Variants in PTDSS2 observed in about 807,000 individuals in gnomAD.
The protein encoded by PTDSS2 is phosphatidylserine synthase 2, also known as PSS-2.
Under a neutral mutation model 64.7 loss-of-function variants are expected in PTDSS2, and 41 were observed. That is an observed-to-expected ratio of 0.63 (90% CI 0.49 to 0.82). The LOEUF (loss-of-function observed/expected upper bound fraction) is 0.82, where lower values mean the gene tolerates loss of function less well. Ranked by LOEUF, PTDSS2 falls within the 40% of genes least tolerant of loss-of-function variation. The pLI, the probability that PTDSS2 is intolerant of heterozygous loss-of-function variation, is 0.00. For missense variants in PTDSS2, 485 were observed against 650.0 expected, an observed-to-expected ratio of 0.75 and a Z score of 2.76; for synonymous variants, 297 against 277.8, an observed-to-expected ratio of 1.07 and a Z score of -0.69.
intron 2 of PTDSS2, chr11:463,177 A>AG (rs1554949390): frequency 1.3e-5 from 2 of 151,720 alleles, no homozygotes; most frequent in East Asian, 3.9e-4. Flanking sequence ...AAAAAAAAAA[A>AG]GAAAAGAAAA....
rs1186915753 is a variant in PTDSS2 at position 473,943 on chromosome 11, A to G, written c.333A>G (p.Gln111=). ...ILVFLCFGVT[Q]AKDGPFSRPH... is the part of the protein sequence containing the mutation. ...TTTTCTTATGTTTTGGAGTCACACA[A>G]GCTAAAGACGGGCCATTTTCCAGAC... Residue 111 remains glutamine, a synonymous_variant, in exon 3 of 12, where the codon CAA becomes CAG. Coordinates refer to ENST00000308020, the MANE Select transcript of PTDSS2 (RefSeq NM_030783.3). 3 of 1,614,138 alleles carry G rather than the reference A, an allele frequency of 1.9e-6. No homozygotes were observed. Among genetic ancestry groups the G allele is most frequent in the Non-Finnish European group, 2.5e-6 (3 of 1,179,972 alleles).
At chr11:485,522 CCGTG>C (rs1252188391) in intron 4 of PTDSS2, among the ~76,000 whole-genome samples, 12 of 135,120 alleles carry the variant, frequency 8.9e-5, no homozygotes, top group Admixed American at 2.3e-4. Context: ...CGTGTGCTCA[CCGTG>C]TGCGCAGGCG....
At chr11:488,333 C>A in intron 7 of PTDSS2, 21 bp downstream of exon 7, 1 of 1,581,326 alleles carries the variant, frequency 6.3e-7, no homozygotes, top group Non-Finnish European at 8.7e-7. Context: ...GCACAGCCCC[C>A]GGGGCAGTCG....
chr11:450,490 C>G lies in PTDSS2; in HGVS notation c.35C>G (p.Pro12Arg). 1 of 1,235,776 alleles carries G rather than the reference C, an allele frequency of 8.1e-7. No individual in the cohort carries two copies. 76.6% of individuals were successfully genotyped at this position (1,235,776 alleles called of 1,614,324 possible). A position where few individuals can be genotyped will look rare whatever the true frequency, so the allele number is the denominator to read the frequency against. Residue 12 changes from proline to arginine, a missense_variant, in exon 1 of 12, where the codon CCG becomes CGG. Physicochemically the swap from Pro to Arg is moderately radical, Grantham distance 103 (BLOSUM62 -2). Around this residue, in one of 3 missense-constraint regions of PTDSS2, gnomAD observed 251 missense variants for 348.0 expected, o/e 0.72. Transcript: ENST00000308020. ...GGCGAGCGCAGGGACGCCGGAGGTC[C>G]GCGGCCCGAGTCCCCGGTGCCCGCG... ...RRGERRDAGG[P>R]RPESPVPAGR...
rs1846429968 is a variant in PTDSS2 at position 453,295 on chromosome 11, A to T, written c.182+2658A>T. ...GCCCTGTGCGAAGATGTGGCAGCTC[A>T]TGCGGTCTGGAAATTGTTTGGGAGA... On this transcript the variant is annotated intron_variant, in intron 1 of 11. Coordinates refer to ENST00000308020, the MANE Select transcript of PTDSS2 (RefSeq NM_030783.3). Among the ~76,000 whole-genome samples the T allele has an allele frequency of 3.9e-5, 6 of 152,118 alleles. No homozygotes were observed. In the South Asian group the frequency reaches 1.2e-3, roughly 32 times the overall value.
At chr11:484,600 G>A (rs910818775) in intron 4 of PTDSS2, among the ~76,000 whole-genome samples, 1 of 151,798 alleles carries the variant, frequency 6.6e-6, no homozygotes, top group Non-Finnish European at 1.5e-5. Context: ...GCATGGGCGT[G>A]TGTGCTCACT....
intron 1 of PTDSS2, chr11:459,862 G>A (rs1048473000): frequency 9.5e-6 from 3 of 315,680 alleles, no homozygotes; most frequent in South Asian, 4.0e-5. Flanking sequence ...CGTGTTTTAC[G>A]TGTCCAGTTG....
intron 1 of PTDSS2, among the ~76,000 whole-genome samples, chr11:455,720 C>T (rs940408920): frequency 1.3e-5 from 2 of 152,260 alleles, no homozygotes; most frequent in Non-Finnish European, 2.9e-5. Context: ...CACGAGCCCT[C>T]CTGGCGTGGT....
rs766002550 is a variant in PTDSS2 at position 461,758 on chromosome 11, TG to T, written c.284+1471del. On this transcript the variant is annotated intron_variant, in intron 2 of 11. Transcript: ENST00000308020. The surrounding 1 kb of genome is among the most constrained non-coding windows in gnomAD (Gnocchi z 4.2). ...TTAGGCAGTCCCAGCGGGGGTCACG[TG>T]CAGAACCTGCAGGCCCGGTGTGCAC... 7.2e-5 allele frequency among the ~76,000 whole-genome samples: 11 copies of T among 152,066 alleles called. No individual in the cohort carries two copies. Among genetic ancestry groups the T allele is most frequent in the Non-Finnish European group, 1.0e-4 (7 of 67,992 alleles).
intron 3 of PTDSS2, among the ~76,000 whole-genome samples, 158 bp downstream of exon 3, chr11:474,135 G>A (rs968409599): frequency 3.3e-5 from 5 of 152,192 alleles, no homozygotes; most frequent in Non-Finnish European, 5.9e-5. Context: ...AAGGGCGTGG[G>A]GTTCTGAGCT....
chr11:479,220 AAGG>A lies in PTDSS2; in HGVS notation c.435+72_435+74del, dbSNP rs1847954396. On this transcript the variant is annotated intron_variant, in intron 4 of 11. Coordinates refer to ENST00000308020, the MANE Select transcript of PTDSS2 (RefSeq NM_030783.3). This position sits in a 1 kb window ranked among gnomAD's most constrained non-coding sequence, Gnocchi z 4.2. ...CAGTGTGGCCCCAGGCATGGTGACA[AAGG>A]AGGCCTTGCCCACACAGCCCTCGAG... 1.5e-6 allele frequency: 2 copies of A among 1,329,518 alleles called. No homozygotes were observed. The highest frequency in any genetic ancestry group is 2.2e-6 in the Non-Finnish European group (2 of 920,246). The allele number at this position is 1,329,518 out of a possible 1,614,324, so 82.4% of individuals were successfully genotyped here.
chr11:466,401 C>CTTT lies in PTDSS2; in HGVS notation c.284+6133_284+6135dup, dbSNP rs1226254389. Among the ~76,000 whole-genome samples the CTTT allele has an allele frequency of 1.2e-3, 143 of 120,776 alleles. 1 individual carries two copies. The highest frequency in any genetic ancestry group is 4.0e-3 in the African/African-American group (127 of 31,846). The allele number at this position is 120,776 out of a possible 152,430, so 79.2% of individuals were successfully genotyped here. On this transcript the variant is annotated intron_variant, in intron 2 of 11. Transcript: ENST00000308020. The stretch of plus-strand genomic sequence containing the variant: ...AACGGGCACAGGAAAAACTGCCACT[C>CTTT]TTTTTTTTTTTTTTTTTTTTTTGAG...
intron 4 of PTDSS2, among the ~76,000 whole-genome samples, chr11:485,801 C>T (rs77918750): frequency 1.2e-4 from 11 of 94,126 alleles, no homozygotes; most frequent in East Asian, 3.5e-4. Context: ...CGCAGGCGAG[C>T]GTAAACAGTG....
intron 2 of PTDSS2, among the ~76,000 whole-genome samples, chr11:466,029 C>G (rs1847124688): frequency 6.6e-6 from 1 of 152,164 alleles, no homozygotes; most frequent in African/African-American, 2.4e-5. Flanking sequence ...AAACACCTAT[C>G]TGATAAAGTA....
chr11:474,012 G>C, intron 3 of PTDSS2, 35 bp downstream of exon 3: 1 of 1,541,700 alleles, frequency 6.5e-7, no homozygotes, highest in Non-Finnish European at 9.0e-7. Flanking sequence ...GTGCCCCTGT[G>C]GCATTTCTGT....
In PTDSS2 at chr11:461,430, G is replaced by A. The variant is rs991263718; in HGVS notation, c.284+1142G>A. Among the ~76,000 whole-genome samples, 16 of 152,134 alleles carry A rather than the reference G, an allele frequency of 1.1e-4. No homozygotes were observed. The highest frequency in any genetic ancestry group is 3.9e-4 in the African/African-American group (16 of 41,422). On this transcript the variant is annotated intron_variant, in intron 2 of 11. Transcript: ENST00000308020. The surrounding 1 kb of genome is among the most constrained non-coding windows in gnomAD (Gnocchi z 4.2). ...GAGTCCATCTCCCTGGGGGCAGTGG[G>A]GCATTTCTGGTTAGAAATTACTGTT... is the stretch of plus-strand genomic sequence containing the variant.
rs183096113 is a variant in PTDSS2 at position 490,935 on chromosome 11, A to C, written c.*353A>C. The stretch of plus-strand genomic sequence containing the variant: ...CTCTGGGGCAGTGTGTCCCTCAGGA[A>C]CCAGGGTCCTCCCTCCCCTTTCTGC... On this transcript the variant is annotated 3_prime_UTR_variant, in exon 12 of 12. Coordinates refer to ENST00000308020, the MANE Select transcript of PTDSS2 (RefSeq NM_030783.3). The C allele has an allele frequency of 3.7e-6, 1 of 271,304 alleles. No individual in the cohort carries two copies. The highest frequency in any genetic ancestry group is 7.0e-6 in the Non-Finnish European group (1 of 142,518). The allele number at this position is 271,304 out of a possible 1,614,324, so 16.8% of individuals were successfully genotyped here.
At chr11:489,836 A>G in intron 10 of PTDSS2, 47 bp from the exon 11 acceptor site, 1 of 1,545,928 alleles carries the variant, frequency 6.5e-7, no homozygotes, top group Non-Finnish European at 8.7e-7. Context: ...GTCCGCCTGG[A>G]GGACCCTGCG....
chr11:459,461 C>T (rs117833518), intron 1 of PTDSS2: 3,416 of 152,916 alleles, frequency 0.022, 63 homozygotes, highest in Middle Eastern at 0.044. Flanking sequence ...GGACACACTC[C>T]GATGGATGTA....
Sources: gnomAD v4.1 joint callset for allele counts (sites outside exome capture counted in the v4.1 genomes callset) on GRCh38, gnomAD v4.1.1 for gene constraint, gnomAD v4.1.1 regional missense constraint, Gnocchi (gnomAD v3.1) non-coding constraint, MANE v1.5 for transcripts, NCBI Gene and HGNC (gene_info 2026-07-23, HGNC 2026-07-21) for gene names.